The following LRP1B variants were observed in gnomAD, a reference collection of about 807,000 sequenced individuals.
The protein encoded by LRP1B is LDL receptor related protein 1B.
Under a neutral mutation model 556.6 loss-of-function variants are expected in LRP1B, and 217 were observed. The observed-to-expected ratio is 0.39, with a 90% CI of 0.35 to 0.44. The LOEUF is 0.44. LRP1B is among the 20% of genes least tolerant of loss of function. The pLI is 1.00. For synonymous variants in LRP1B, 2,047 were observed against 1,865.8 expected, an observed-to-expected ratio of 1.10 and a Z score of -2.50; for missense variants, 5,053 against 5,620.8, an observed-to-expected ratio of 0.90 and a Z score of 3.23.
chr2:140,345,671 T>G (rs1001768885), intron 77 of LRP1B, among the ~76,000 whole-genome samples: 1 of 146,818 alleles, frequency 6.8e-6, no homozygotes, highest in Admixed American at 6.9e-5. Context: ...TATATATATA[T>G]ATAGATATAT....
At chr2:141,114,615 C>A (rs1383083359) in intron 7 of LRP1B, among the ~76,000 whole-genome samples, 1 of 152,056 alleles carries the variant, frequency 6.6e-6, no homozygotes, top group Non-Finnish European at 1.5e-5. Flanking sequence ...TTTATATGAA[C>A]AAAGGATAGG....
intron 1 of LRP1B, among the ~76,000 whole-genome samples, chr2:142,012,585 G>A (rs1702991397): frequency 6.6e-6 from 1 of 152,044 alleles, no homozygotes; most frequent in Non-Finnish European, 1.5e-5. Context: ...GATGCCCCAA[G>A]ACACCAAGCA....
chr2:141,159,515 C>T (rs1320072453), intron 7 of LRP1B, among the ~76,000 whole-genome samples: 3 of 152,030 alleles, frequency 2.0e-5, no homozygotes, highest in African/African-American at 7.2e-5. Context: ...TACAGGTGCA[C>T]ACAACTGCAC....
chr2:141,283,889 T>C lies in LRP1B; in HGVS notation c.344-29248A>G, dbSNP rs544433893. On this transcript the variant is annotated intron_variant, in intron 3 of 90. Transcript: ENST00000389484. ...AGGGAATAATATAGGTATTTTATAATTGTGGACAACTTTATCATTTTAGAT... is the reference window on the plus strand; with the variant it reads ...AGGGAATAATATAGGTATTTTATAACTGTGGACAACTTTATCATTTTAGAT... Among the ~76,000 whole-genome samples, 8 of 152,278 alleles carry C rather than the reference T, an allele frequency of 5.3e-5. No homozygotes were observed. In the South Asian group the frequency reaches 1.7e-3, roughly 32 times the overall value.
chr2:141,041,705 A>T (rs1351047989), intron 11 of LRP1B, among the ~76,000 whole-genome samples: 1 of 152,120 alleles, frequency 6.6e-6, no homozygotes, highest in African/African-American at 2.4e-5. Context: ...AATTTGGTGT[A>T]CGTTTTCAAA....
chr2:142,105,358 C>T (rs1294573518), intron 1 of LRP1B, among the ~76,000 whole-genome samples: 4 of 152,148 alleles, frequency 2.6e-5, no homozygotes, highest in African/African-American at 4.8e-5. Context: ...GTATACATAT[C>T]TACCTCTGGC....
Position 140,643,757 on chromosome 2 carries a change from C to T in LRP1B, c.6800-42118G>A, listed in dbSNP as rs80018460. Among the ~76,000 whole-genome samples the T allele has an allele frequency of 5.3e-3, 807 of 152,192 alleles. 8 individuals are homozygous for T. The highest frequency in any genetic ancestry group is 0.018 in the African/African-American group (758 of 41,512). On this transcript the variant is annotated intron_variant, in intron 41 of 90. Transcript: ENST00000389484. ...TACCTACTTATTAAACTTGAATGTA[C>T]GTAATCACTATTTCAATGGTGCAAT...
intron 1 of LRP1B, among the ~76,000 whole-genome samples, chr2:142,107,616 G>GTTT (rs112509749): frequency 6.6e-6 from 1 of 151,050 alleles, no homozygotes; most frequent in African/African-American, 2.4e-5. Flanking sequence ...TCAATAATGT[G>GTTT]TCTTTTGTTT....
At chr2:141,763,600 G>C (rs6721767) in intron 2 of LRP1B, among the ~76,000 whole-genome samples, 2 of 151,878 alleles carry the variant, frequency 1.3e-5, no homozygotes, top group Non-Finnish European at 2.9e-5. Flanking sequence ...ATGAAACTAC[G>C]ACATGATGGC....
intron 29 of LRP1B, among the ~76,000 whole-genome samples, chr2:140,842,859 G>A (rs1396096322): frequency 6.6e-6 from 1 of 151,932 alleles, no homozygotes; most frequent in Non-Finnish European, 1.5e-5. Flanking sequence ...CCTGTGAAAT[G>A]GGCTATAGAT....
chr2:142,057,601 C>T (rs1276399793), intron 1 of LRP1B, among the ~76,000 whole-genome samples: 2 of 152,060 alleles, frequency 1.3e-5, no homozygotes, highest in African/African-American at 2.4e-5. Flanking sequence ...CTGTGTTTCA[C>T]CCCTAGTACG....
rs188111056 is a variant in LRP1B, at chr2:141,192,737, T to A, written c.851-4154A>T. 2.6e-3 allele frequency among the ~76,000 whole-genome samples: 402 copies of A among 152,038 alleles called. 2 individuals carry two copies. Among genetic ancestry groups the A allele is most frequent in the African/African-American group, 9.2e-3 (383 of 41,532 alleles). The stretch of plus-strand genomic sequence containing the variant: ...CTATATCAATATCATCTGAAAGTAC[T>A]GACCACTCATCTTCTGAAATATCGA... On this transcript the variant is annotated intron_variant, in intron 6 of 90. Coordinates refer to ENST00000389484, the MANE Select transcript of LRP1B (RefSeq NM_018557.3).
chr2:142,117,745 C>T (rs1384719823), intron 1 of LRP1B, among the ~76,000 whole-genome samples: 1 of 152,100 alleles, frequency 6.6e-6, no homozygotes, highest in African/African-American at 2.4e-5. Flanking sequence ...TCTTAAAGGC[C>T]TGTAACCCTG....
intron 35 of LRP1B, among the ~76,000 whole-genome samples, chr2:140,766,844 T>TTTATATATATATATA (rs1689131701): frequency 1.8e-5 from 1 of 54,938 alleles, no homozygotes; most frequent in Admixed American, 2.3e-4. Context: ...TATATATATA[T>TTTATATATATATATA]TATATATATA....
chr2:141,406,933 T>C (rs1230355203), intron 3 of LRP1B, among the ~76,000 whole-genome samples: 1 of 152,142 alleles, frequency 6.6e-6, no homozygotes, highest in Non-Finnish European at 1.5e-5. Flanking sequence ...GCATTTGAAA[T>C]ATACAGACTA....
chr2:142,035,174 A>G (rs186081289), intron 1 of LRP1B, among the ~76,000 whole-genome samples: 33 of 151,850 alleles, frequency 2.2e-4, no homozygotes, highest in Middle Eastern at 3.4e-3. Flanking sequence ...GTCCCAATAC[A>G]TATTAGTCGC....
intron 1 of LRP1B, among the ~76,000 whole-genome samples, chr2:142,033,987 C>T (rs1436324516): frequency 6.6e-6 from 1 of 151,728 alleles, no homozygotes; most frequent in Non-Finnish European, 1.5e-5. Context: ...ATTGTGTTTG[C>T]ATTAAAATTG....
rs552693342 is a variant in LRP1B, at chr2:141,622,017, G to A, written c.206-141484C>T. Among the ~76,000 whole-genome samples the A allele has an allele frequency of 5.9e-5, 9 of 152,020 alleles. No individual in the cohort carries two copies. In the South Asian group the frequency reaches 1.7e-3, roughly 28 times the overall value. ...AGTAATTCTCCTGCCTCAGCCTCCC[G>A]AGTAGCTGGGGTTACAGGCATGCAT... On this transcript the variant is annotated intron_variant, in intron 2 of 90. Coordinates refer to ENST00000389484, the MANE Select transcript of LRP1B (RefSeq NM_018557.3).
At chr2:141,234,771 G>C (rs1328747232) in intron 5 of LRP1B, among the ~76,000 whole-genome samples, 2 of 151,892 alleles carry the variant, frequency 1.3e-5, no homozygotes, top group Non-Finnish European at 2.9e-5. Flanking sequence ...AGTTTAAAAA[G>C]GAGAGATACA....
Sources: allele counts gnomAD v4.1 joint callset (sites outside exome capture counted in the v4.1 genomes callset), GRCh38; gene constraint gnomAD v4.1.1; transcripts MANE v1.5; gene names NCBI Gene and HGNC (gene_info 2026-07-23, HGNC 2026-07-21).